CD163: variants seen among roughly 807,000 people sequenced by gnomAD.
CD163 encodes the protein CD163 molecule, also known as scavenger receptor cysteine-rich type 1 protein M130.
CD163 carries 64 observed loss-of-function variants against 129.2 expected under a neutral mutation model. The ratio of observed to expected loss-of-function variants is 0.50; its 90% CI spans 0.41 to 0.61. The LOEUF (loss-of-function observed/expected upper bound fraction) is 0.61, where lower values mean the gene tolerates loss of function less well. Among genes scored for constraint, CD163 ranks in the 20% least tolerant of loss-of-function variants. The pLI, the probability that CD163 is intolerant of heterozygous loss-of-function variation, is 0.00. For synonymous variants in CD163, 446 were observed against 478.5 expected (o/e 0.93, Z 0.89); for missense variants, 1,061 against 1,377.9 (o/e 0.77, Z 3.64).
At position 7,485,554 on chromosome 12, in the gene CD163, A is replaced by G. The variant is rs893937411; in HGVS notation, c.2459-138T>C. On this transcript the variant is annotated intron_variant, in intron 10 of 16. Coordinates refer to ENST00000432237, the MANE Select transcript of CD163 (RefSeq NM_203416.4). The surrounding 1 kb of genome is among the most constrained non-coding windows in gnomAD (Gnocchi z 4.5). ...GTCAGTTACTAATAATTCGTTAGTAACTTCTGGATGATTTCATAGATATTA... is the reference window on the plus strand; with the variant it reads ...GTCAGTTACTAATAATTCGTTAGTAGCTTCTGGATGATTTCATAGATATTA... 1.3e-5 allele frequency: 6 copies of G among 472,468 alleles called. No homozygotes were observed. Among genetic ancestry groups the G allele is most frequent in the African/African-American group, 9.9e-5 (5 of 50,534 alleles). 29.3% of individuals were successfully genotyped at this position (472,468 alleles called of 1,614,324 possible).
At chr12:7,474,584 G>C (rs182538036) in intron 16 of CD163, among the ~76,000 whole-genome samples, 1 of 152,190 alleles carries the variant, frequency 6.6e-6, no homozygotes, top group Non-Finnish European at 1.5e-5. Context: ...GCAGTGTTAA[G>C]AGGGAAATGT....
At position 7,501,209 on chromosome 12, in the gene CD163, A is replaced by G. The variant is rs1019113343; in HGVS notation, c.387T>C (p.Asp129=). 5 of 1,614,076 alleles carry G rather than the reference A, an allele frequency of 3.1e-6. No homozygotes were observed. The highest frequency in any genetic ancestry group is 1.3e-5 in the African/African-American group (1 of 74,920). Residue 129 remains aspartate (D), a synonymous_variant, in exon 3 of 17, where the codon GAT becomes GAC. Transcript: ENST00000432237. ...SCRGNESALW[D]CKHDGWGKHS... The stretch of plus-strand genomic sequence containing the variant: ...GCTTTCCCCATCCATCATGTTTGCA[A>G]TCCCAAAGAGCTGACTCATTCCCAC...
chr12:7,498,146 C>CACACACACAG (rs537347284), intron 4 of CD163, among the ~76,000 whole-genome samples: 172 of 148,938 alleles, frequency 1.2e-3, no homozygotes, highest in African/African-American at 4.0e-3. Flanking sequence ...CACACACACA[C>CACACACACAG]AGAGAGAGAG....
At position 7,497,156 on chromosome 12, in the gene CD163, G is replaced by A. The variant is rs190528667; in HGVS notation, c.779-23C>T. 7.5e-6 allele frequency: 12 copies of A among 1,591,354 alleles called. No homozygotes were observed. In the East Asian group the frequency reaches 2.7e-4, roughly 36 times the overall value. ...CCTCTGTAACAGAGACACACAACAG[G>A]TCTGCGATAAGGAAGCAAGAACATG... On this transcript the variant is annotated intron_variant, in intron 4 of 16. Coordinates refer to ENST00000432237, the MANE Select transcript of CD163 (RefSeq NM_203416.4).
At chr12:7,498,573 T>C (rs1949434920) in intron 4 of CD163, among the ~76,000 whole-genome samples, 1 of 152,164 alleles carries the variant, frequency 6.6e-6, no homozygotes, top group African/African-American at 2.4e-5. Flanking sequence ...CTTTCCTTTT[T>C]CCCCTCTTTT....
rs144614920 is a variant in CD163 at position 7,476,117 on chromosome 12, G to C, written c.*31+3743C>G. 6.3e-3 allele frequency among the ~76,000 whole-genome samples: 955 copies of C among 152,258 alleles called. 12 individuals are homozygous for C. Among genetic ancestry groups the C allele is most frequent in the African/African-American group, 0.022 (912 of 41,560 alleles). ...ACAAACAAATGGAAAAACATTCCAT[G>C]CTCATAGATAGGAAGAATCAATATT... On this transcript the variant is annotated intron_variant, in intron 16 of 16. Transcript: ENST00000432237.
Position 7,501,259 on chromosome 12 carries a change from T to C in CD163, c.337A>G (p.Ile113Val). The C allele has an allele frequency of 6.2e-7, 1 of 1,614,212 alleles. No individual in the cohort carries two copies. Among genetic ancestry groups the C allele is most frequent in the Non-Finnish European group, 8.5e-7 (1 of 1,180,036 alleles). The change falls in exon 3 of 17, where the codon ATT becomes GTT. Residue 113 changes from isoleucine to valine, a missense_variant. Transcript: ENST00000432237. The part of the protein sequence containing the change: ...WANSSAGSGR[I>V]WMDHVSCRGN... Reference sequence around the variant, plus strand: ...CGACAAGAAACATGATCCATCCAAATGCGTCCAGAACCTGCACTGGAATTA... The same window carrying C: ...CGACAAGAAACATGATCCATCCAAACGCGTCCAGAACCTGCACTGGAATTA...
chr12:7,495,203 G>A lies in CD163; in HGVS notation c.1298C>T (p.Thr433Ile). ...GCTACTTAGAAACAGCCATGTGTTTGTTGCCTGGATTTTGGAGTACACTTG... is the reference window on the plus strand; with the variant it reads ...GCTACTTAGAAACAGCCATGTGTTTATTGCCTGGATTTTGGAGTACACTTG... ...SYQVYSKIQATNTWLFLSSCN... is the reference protein window; with the variant it reads ...SYQVYSKIQAINTWLFLSSCN... The change falls in exon 6 of 17, where the codon ACA (threonine) becomes ATA (isoleucine). Residue 433 changes from threonine to isoleucine, a missense_variant. Thr to Ile is a moderately conservative substitution (Grantham distance 89). Coordinates refer to ENST00000432237, the MANE Select transcript of CD163 (RefSeq NM_203416.4). 6.2e-7 allele frequency: 1 copy of A among 1,614,110 alleles called. No individual in the cohort carries two copies. The highest frequency in any genetic ancestry group is 8.5e-7 in the Non-Finnish European group (1 of 1,179,976).
At chr12:7,474,842 G>C (rs1949062816) in intron 16 of CD163, among the ~76,000 whole-genome samples, 1 of 151,834 alleles carries the variant, frequency 6.6e-6, no homozygotes, top group Admixed American at 6.6e-5. Context: ...GACTAATAAA[G>C]AAGAAAAGAG....
chr12:7,495,126 C>A lies in CD163; in HGVS notation c.1375G>T (p.Gly459Ter). 6.2e-7 allele frequency: 1 copy of A among 1,614,098 alleles called. No individual in the cohort carries two copies. Among genetic ancestry groups the A allele is most frequent in the East Asian group, 2.2e-5 (1 of 44,888 alleles). ...LWDCKNWQWG[G>*]LTCDHYEEAK... ...TCTTCATAGTGATCACAGGTAAGTC[C>A]ACCCCATTGCCAGTTCTTGCAGTCC... The change falls in exon 6 of 17, where the codon GGA becomes TGA. Residue 459 changes from glycine to a stop codon, truncating the protein, a stop_gained. Coordinates refer to ENST00000432237, the MANE Select transcript of CD163 (RefSeq NM_203416.4). LOFTEE classifies it high-confidence loss of function.
At chr12:7,476,274 A>T (rs1591991183) in intron 16 of CD163, among the ~76,000 whole-genome samples, 1 of 152,186 alleles carries the variant, frequency 6.6e-6, no homozygotes, top group Admixed American at 6.6e-5. Flanking sequence ...GAGCCTGTAT[A>T]GCCAAGACAA....
intron 3 of CD163, among the ~76,000 whole-genome samples, chr12:7,500,417 G>A (rs1463295594): frequency 5.0e-4 from 7 of 13,942 alleles, no homozygotes; most frequent in Non-Finnish European, 2.8e-3. Flanking sequence ...GCGACAATTC[G>A]TCCCAAAAAA....
At position 7,487,523 on chromosome 12, in the gene CD163, G is replaced by A. The variant is rs1384377623; in HGVS notation, c.1886C>T (p.Ala629Val). The change falls in exon 8 of 17, where the codon GCC (alanine) becomes GTC (valine). Residue 629 changes from alanine (A) to valine (V), a missense_variant. Physicochemically the swap from Ala to Val is moderately conservative, Grantham distance 64. Transcript: ENST00000432237. This position sits in a 1 kb window ranked among gnomAD's most constrained non-coding sequence, Gnocchi z 5.1. ...ACGTGCTCCTCCTGGGGTAGAAAGGGCAACTCCACATTTAAGCTGCTGGCA... is the reference window on the plus strand; with the variant it reads ...ACGTGCTCCTCCTGGGGTAGAAAGGACAACTCCACATTTAAGCTGCTGGCA... Reference protein sequence around the residue: ...VLCQQLKCGVALSTPGGARFG... With the variant: ...VLCQQLKCGVVLSTPGGARFG... The A allele has an allele frequency of 2.5e-6, 4 of 1,614,016 alleles. No homozygotes were observed. Among genetic ancestry groups the A allele is most frequent in the Non-Finnish European group, 3.4e-6 (4 of 1,180,000 alleles).
chr12:7,483,612 C>T lies in CD163; in HGVS notation c.2843G>A (p.Gly948Asp), dbSNP rs1306818352. 1 of 1,613,386 alleles carries T rather than the reference C, an allele frequency of 6.2e-7. No individual in the cohort carries two copies. The highest frequency in any genetic ancestry group is 1.1e-5 in the South Asian group (1 of 91,032). The change falls in exon 12 of 17, where the codon GGT becomes GAT. Residue 948 changes from glycine (G) to aspartate (D), a missense_variant. Coordinates refer to ENST00000432237, the MANE Select transcript of CD163 (RefSeq NM_203416.4). Reference sequence around the variant, plus strand: ...GTCATCACACACTGTCCCCCAGGAACCTCCATGCCAGATCTCCACACGTCC... The same window carrying T: ...GTCATCACACACTGTCCCCCAGGAATCTCCATGCCAGATCTCCACACGTCC... Reference protein sequence around the residue: ...CSGRVEIWHGGSWGTVCDDSW... With the variant: ...CSGRVEIWHGDSWGTVCDDSW...
At chr12:7,497,990 A>C (rs187927190) in intron 4 of CD163, among the ~76,000 whole-genome samples, 1 of 152,198 alleles carries the variant, frequency 6.6e-6, no homozygotes, top group Non-Finnish European at 1.5e-5. Context: ...GCAGAAAGAG[A>C]TAGAACCCAG....
chr12:7,473,883 T>TAACAAGCAAATGGAAAACAA (rs1949043680), intron 16 of CD163, among the ~76,000 whole-genome samples: 1 of 151,494 alleles, frequency 6.6e-6, no homozygotes, highest in Admixed American at 6.6e-5. Context: ...GAGGAAAACA[T>TAACAAGCAAATGGAAAACAA]AACAAGCAAA....
rs1433982335 is a variant in CD163 at position 7,501,190 on chromosome 12, C to T, written c.406G>A (p.Gly136Arg). The change falls in exon 3 of 17, where the codon GGA becomes AGA. Residue 136 changes from glycine to arginine, a missense_variant. Coordinates refer to ENST00000432237, the MANE Select transcript of CD163 (RefSeq NM_203416.4). ...TGGTGAGTACAGTTACTATGCTTTCCCCATCCATCATGTTTGCAATCCCAA... is the reference window on the plus strand; with the variant it reads ...TGGTGAGTACAGTTACTATGCTTTCTCCATCCATCATGTTTGCAATCCCAA... Reference protein sequence around the residue: ...ALWDCKHDGWGKHSNCTHQQD... With the variant: ...ALWDCKHDGWRKHSNCTHQQD... 1 of 1,614,144 alleles carries T rather than the reference C, an allele frequency of 6.2e-7. No homozygotes were observed. The highest frequency in any genetic ancestry group is 1.1e-5 in the South Asian group (1 of 91,078).
chr12:7,479,935 A>G, intron 15 of CD163, 22 bp from the exon 16 acceptor site: 1 of 1,612,862 alleles, frequency 6.2e-7, no homozygotes, highest in Non-Finnish European at 8.5e-7. Context: ...CAGAAATAGG[A>G]AGAAATTTAG....
chr12:7,492,086 G>C (rs1489166841), intron 6 of CD163, among the ~76,000 whole-genome samples: 1 of 152,028 alleles, frequency 6.6e-6, no homozygotes, highest in Non-Finnish European at 1.5e-5. Flanking sequence ...ATCATTGAAA[G>C]TATCAAGTAA....
Sources: gnomAD v4.1 joint callset for allele counts (sites outside exome capture counted in the v4.1 genomes callset) on GRCh38, gnomAD v4.1.1 for gene constraint, Gnocchi (gnomAD v3.1) non-coding constraint, MANE v1.5 for transcripts, NCBI Gene and HGNC (gene_info 2026-07-23, HGNC 2026-07-21) for gene names.